Variants in NOL4 observed in about 807,000 individuals in gnomAD.
The protein encoded by NOL4 is nucleolar protein 4, also known as cancer/testis antigen 125.
In NOL4, 17 loss-of-function variants were observed where a neutral mutation model predicts 75.9. The ratio of observed to expected loss-of-function variants is 0.22; its 90% CI spans 0.15 to 0.34. The LOEUF (loss-of-function observed/expected upper bound fraction) is 0.34, where lower values mean the gene tolerates loss of function less well. Ranked by LOEUF, NOL4 falls within the 10% of genes least tolerant of loss-of-function variation. The pLI is 1.00. For synonymous variants in NOL4, 292 were observed against 289.9 expected, an observed-to-expected ratio of 1.01 and a Z score of -0.07; for missense variants, 614 against 793.5, an observed-to-expected ratio of 0.77 and a Z score of 2.72.
intron 10 of NOL4, among the ~76,000 whole-genome samples, chr18:33,871,283 C>T (rs1303534691): frequency 3.9e-5 from 6 of 151,948 alleles, no homozygotes; most frequent in Non-Finnish European, 7.4e-5. Context: ...CAGACCCAAG[C>T]TCTTTGGTGG....
chr18:34,154,390 A>C (rs1814855723), intron 1 of NOL4, among the ~76,000 whole-genome samples: 1 of 151,990 alleles, frequency 6.6e-6, no homozygotes, highest in South Asian at 2.1e-4. Context: ...ACTGTTTTTT[A>C]ATCACTAATC....
intron 6 of NOL4, among the ~76,000 whole-genome samples, chr18:33,988,945 C>G (rs1214809249): frequency 6.6e-6 from 1 of 151,806 alleles, no homozygotes; most frequent in African/African-American, 2.4e-5. Context: ...TGCCTATAAT[C>G]ACAGCATTTT....
At chr18:33,872,818 A>C (rs2063761373) in intron 10 of NOL4, among the ~76,000 whole-genome samples, 1 of 152,068 alleles carries the variant, frequency 6.6e-6, no homozygotes, top group South Asian at 2.1e-4. Context: ...TATATTTGAA[A>C]GAAAGAGAAA....
At chr18:34,065,777 C>T (rs998232645) in intron 5 of NOL4, among the ~76,000 whole-genome samples, 1 of 151,880 alleles carries the variant, frequency 6.6e-6, no homozygotes, top group African/African-American at 2.4e-5. Context: ...TACATAGTCT[C>T]ATTACAGGTA....
At chr18:33,910,393 G>A (rs1006460124) in intron 9 of NOL4, among the ~76,000 whole-genome samples, 20 of 151,846 alleles carry the variant, frequency 1.3e-4, no homozygotes, top group Admixed American at 9.8e-4. Flanking sequence ...TTTATTTCCC[G>A]GTATCCTTTC....
chr18:33,929,162 C>T lies in NOL4; in HGVS notation c.1542+13903G>A, dbSNP rs370441436. On this transcript the variant is annotated intron_variant, in intron 9 of 10. Coordinates refer to ENST00000261592, the MANE Select transcript of NOL4 (RefSeq NM_003787.5). The stretch of plus-strand genomic sequence containing the variant: ...CTCTCTAGCATGTACTTACAGTCTA[C>T]GTAACTTCACAGGACATAAGGACAT... Among the ~76,000 whole-genome samples, 262 of 152,250 alleles carry T rather than the reference C, an allele frequency of 1.7e-3. 5 individuals are homozygous for T. The South Asian group carries it at 0.052, about 30-fold the overall frequency.
chr18:34,024,192 A>ATATATAT (rs1215950663), intron 5 of NOL4, among the ~76,000 whole-genome samples: 4 of 76,174 alleles, frequency 5.3e-5, no homozygotes, highest in South Asian at 6.5e-4. Flanking sequence ...AAAAAAAAAA[A>ATATATAT]AAATATATAT....
At position 34,083,181 on chromosome 18, in the gene NOL4, A is replaced by G. The variant is rs1013150047; in HGVS notation, c.772+10284T>C. On this transcript the variant is annotated intron_variant, in intron 5 of 10. Transcript: ENST00000261592. ...AGGGATAAGGGTTCTTATGAATGAG[A>G]TTCTTCATAGAGGAAAAAGAAGGAA... Among the ~76,000 whole-genome samples the G allele has an allele frequency of 1.1e-4, 17 of 152,190 alleles. 1 individual carries two copies. The highest frequency in any genetic ancestry group is 1.0e-4 in the Non-Finnish European group (7 of 68,024).
intron 5 of NOL4, among the ~76,000 whole-genome samples, chr18:34,069,676 C>A (rs1386110423): frequency 6.6e-6 from 1 of 152,040 alleles, no homozygotes; most frequent in Non-Finnish European, 1.5e-5. Flanking sequence ...ACTAAATACA[C>A]AAACCCACAA....
intron 1 of NOL4, among the ~76,000 whole-genome samples, chr18:34,173,121 T>A (rs2146278474): frequency 6.6e-6 from 1 of 152,130 alleles, no homozygotes; most frequent in East Asian, 1.9e-4. Flanking sequence ...CTAGAGGACA[T>A]TACGCTAAAC....
At chr18:34,108,427 C>T (rs2079419136) in intron 2 of NOL4, among the ~76,000 whole-genome samples, 1 of 151,724 alleles carries the variant, frequency 6.6e-6, no homozygotes, top group Admixed American at 6.6e-5. Context: ...AAAAAAAGAA[C>T]TAACTATATG....
intron 6 of NOL4, among the ~76,000 whole-genome samples, chr18:33,968,557 G>A (rs1307589342): frequency 6.6e-6 from 1 of 152,104 alleles, no homozygotes; most frequent in Non-Finnish European, 1.5e-5. Flanking sequence ...ACACTTATAA[G>A]GGAATATAAA....
chr18:33,868,056 T>G (rs1200829504), intron 10 of NOL4, among the ~76,000 whole-genome samples: 3 of 151,788 alleles, frequency 2.0e-5, no homozygotes, highest in Admixed American at 6.6e-5. Flanking sequence ...TTTTTTTTTT[T>G]TGAGAGAGTC....
chr18:34,136,955 G>T (rs1017218949), intron 1 of NOL4, among the ~76,000 whole-genome samples: 14 of 152,096 alleles, frequency 9.2e-5, no homozygotes, highest in Non-Finnish European at 1.5e-5. Flanking sequence ...ATTGGCATGT[G>T]AATTGACATA....
chr18:34,176,455 AC>A (rs1381566986), intron 1 of NOL4, among the ~76,000 whole-genome samples: 44 of 152,184 alleles, frequency 2.9e-4, no homozygotes, highest in African/African-American at 9.4e-4. Context: ...CAGAAAACAC[AC>A]TGAACTCCCC....
intron 5 of NOL4, among the ~76,000 whole-genome samples, chr18:34,076,581 T>A (rs2077755230): frequency 1.3e-5 from 2 of 152,174 alleles, no homozygotes; most frequent in African/African-American, 4.8e-5. Context: ...ACCCTCAGAC[T>A]GGAGGGTGTT....
At chr18:34,013,759 T>C (rs1373941645) in intron 6 of NOL4, among the ~76,000 whole-genome samples, 3 of 152,026 alleles carry the variant, frequency 2.0e-5, no homozygotes, top group Non-Finnish European at 2.9e-5. Context: ...CACTCATTTA[T>C]ATGTCTGCTT....
intron 1 of NOL4, among the ~76,000 whole-genome samples, chr18:34,167,308 A>G (rs2032497581): frequency 6.6e-6 from 1 of 152,042 alleles, no homozygotes. Flanking sequence ...CACCTTTAAA[A>G]TAAGTCATCT....
At chr18:33,950,715 G>A (rs2069158519) in intron 8 of NOL4, among the ~76,000 whole-genome samples, 1 of 152,124 alleles carries the variant, frequency 6.6e-6, no homozygotes, top group East Asian at 1.9e-4. Context: ...TTTGCACACA[G>A]AAGAAAGAGA....
Sources: gnomAD v4.1 joint callset for allele counts (sites outside exome capture counted in the v4.1 genomes callset) on GRCh38, gnomAD v4.1.1 for gene constraint, MANE v1.5 for transcripts, NCBI Gene and HGNC (gene_info 2026-07-23, HGNC 2026-07-21) for gene names.